Variants in UNC5C observed in about 807,000 individuals in gnomAD.
UNC5C encodes the protein unc-5 netrin receptor C.
In UNC5C, 47 loss-of-function variants were observed where a neutral mutation model predicts 99.8. The observed-to-expected ratio is 0.47, with a 90% CI of 0.37 to 0.60. UNC5C has a LOEUF of 0.60. Among genes scored for constraint, UNC5C ranks in the 20% least tolerant of loss-of-function variants. The probability of loss-of-function intolerance (pLI) is 0.00; values close to 1 mark genes in which losing one functional copy is unlikely to be tolerated. For synonymous variants in UNC5C, 487 were observed against 452.2 expected (o/e 1.08, Z -0.98); for missense variants, 1,062 against 1,165.9 (o/e 0.91, Z 1.30).
chr4:95,349,251 AC>A (rs765331844), intron 1 of UNC5C, among the ~76,000 whole-genome samples: 35 of 150,284 alleles, frequency 2.3e-4, no homozygotes, highest in Non-Finnish European at 4.7e-4. Context: ...AACTGTATAC[AC>A]CTACTCTGAA....
chr4:95,232,549 C>A (rs1368474108), intron 7 of UNC5C, among the ~76,000 whole-genome samples: 1 of 152,072 alleles, frequency 6.6e-6, no homozygotes. Context: ...CTCGAAGGAG[C>A]CCATGCTTTG....
intron 1 of UNC5C, among the ~76,000 whole-genome samples, chr4:95,396,610 C>T (rs1210523284): frequency 6.6e-6 from 1 of 152,100 alleles, no homozygotes; most frequent in Non-Finnish European, 1.5e-5. Flanking sequence ...GGAGTGAAAA[C>T]TTCTATCCCT....
In UNC5C at chr4:95,399,935, T is replaced by C. The variant is rs1194172780; in HGVS notation, c.125-64304A>G. Among the ~76,000 whole-genome samples the C allele has an allele frequency of 3.9e-5, 6 of 152,318 alleles. No individual in the cohort carries two copies. The East Asian group carries it at 1.2e-3, about 29-fold the overall frequency. ...ATGCTTTACAGCTATAGGGACTGCA[T>C]CTCCACTGTTTACCCCTAATTGAGC... On this transcript the variant is annotated intron_variant, in intron 1 of 15. Transcript: ENST00000453304.
chr4:95,442,486 G>A (rs1158139619), intron 1 of UNC5C, among the ~76,000 whole-genome samples: 1 of 149,104 alleles, frequency 6.7e-6, no homozygotes. Context: ...GGGATTACAT[G>A]TGTGACCCAT....
At chr4:95,360,755 T>C (rs955264758) in intron 1 of UNC5C, among the ~76,000 whole-genome samples, 7 of 152,186 alleles carry the variant, frequency 4.6e-5, no homozygotes, top group African/African-American at 1.7e-4. Flanking sequence ...TGGATTTCTT[T>C]GAACGGTATC....
intron 14 of UNC5C, among the ~76,000 whole-genome samples, chr4:95,176,727 C>T (rs1222002091): frequency 6.6e-6 from 1 of 152,242 alleles, no homozygotes; most frequent in Non-Finnish European, 1.5e-5. Context: ...GAGGTGGAGC[C>T]TGCAGAGGCA....
rs1242481861 is a variant in UNC5C at position 95,268,776 on chromosome 4, C to T, written c.594+9483G>A. ...AGCAAGCATTAGCTAGAAAACTCCA[C>T]GTCTATCAGAAAGGTTACTCTGTTA... is the stretch of plus-strand genomic sequence containing the variant. On this transcript the variant is annotated intron_variant, in intron 4 of 15. Coordinates refer to ENST00000453304, the MANE Select transcript of UNC5C (RefSeq NM_003728.4). Among the ~76,000 whole-genome samples, 8 of 152,268 alleles carry T rather than the reference C, an allele frequency of 5.3e-5. No homozygotes were observed. In the South Asian group the frequency reaches 1.7e-3, roughly 32 times the overall value.
rs756927858 is a variant in UNC5C at position 95,164,554 on chromosome 4, A to G, written c.*4680T>C. On this transcript the variant is annotated 3_prime_UTR_variant, in exon 16 of 16. Coordinates refer to ENST00000453304, the MANE Select transcript of UNC5C (RefSeq NM_003728.4). ...AAGCCAAAGAGTAATAGTTGGTCCT[A>G]TGAGGCACTCGAGAGGTAAAAAAAT... 1.8e-4 allele frequency: 27 copies of G among 152,258 alleles called. No homozygotes were observed. The highest frequency in any genetic ancestry group is 2.6e-4 in the Admixed American group (4 of 15,288). The allele number at this position is 152,258 out of a possible 1,614,324, so 9.4% of individuals were successfully genotyped here.
intron 14 of UNC5C, among the ~76,000 whole-genome samples, 193 bp from the exon 15 acceptor site, chr4:95,170,525 G>A (rs1736054166): frequency 1.3e-5 from 2 of 152,182 alleles, no homozygotes; most frequent in African/African-American, 4.8e-5. Context: ...AGAGATAGAG[G>A]TACATACATT....
intron 1 of UNC5C, among the ~76,000 whole-genome samples, chr4:95,494,314 G>T (rs1197472802): frequency 1.3e-5 from 2 of 151,478 alleles, no homozygotes; most frequent in African/African-American, 4.8e-5. Flanking sequence ...GATATGTAAA[G>T]ATATTCAACT....
chr4:95,310,898 GAC>G (rs1742252633), intron 2 of UNC5C, among the ~76,000 whole-genome samples: 1 of 152,046 alleles, frequency 6.6e-6, no homozygotes, highest in African/African-American at 2.4e-5. Context: ...TTAATTATAA[GAC>G]AATATTACAT....
intron 1 of UNC5C, among the ~76,000 whole-genome samples, chr4:95,356,978 C>T (rs2149432670): frequency 6.6e-6 from 1 of 152,190 alleles, no homozygotes. Context: ...ACCTTCCAGG[C>T]CAGTATCAAA....
chr4:95,356,213 CAAAACAAAA>C (rs1235381547), intron 1 of UNC5C, among the ~76,000 whole-genome samples: 50 of 78,176 alleles, frequency 6.4e-4, no homozygotes, highest in Non-Finnish European at 1.0e-3. Flanking sequence ...AAAAAAAAAA[CAAAACAAAA>C]AAAAAACAGA....
At chr4:95,319,200 A>C (rs1742588697) in intron 2 of UNC5C, among the ~76,000 whole-genome samples, 1 of 152,192 alleles carries the variant, frequency 6.6e-6, no homozygotes, top group Non-Finnish European at 1.5e-5. Flanking sequence ...AGCTTAAAAC[A>C]AACACAGAGG....
chr4:95,421,172 A>G (rs192375972), intron 1 of UNC5C, among the ~76,000 whole-genome samples: 158 of 152,334 alleles, frequency 1.0e-3, no homozygotes, highest in Non-Finnish European at 1.5e-3. Flanking sequence ...AAAATTTTAC[A>G]TCAGAATCAC....
At chr4:95,327,185 C>T (rs1392593410) in intron 2 of UNC5C, among the ~76,000 whole-genome samples, 1 of 152,080 alleles carries the variant, frequency 6.6e-6, no homozygotes, top group African/African-American at 2.4e-5. Flanking sequence ...GGGAAAACCC[C>T]CCAACCTCCA....
At chr4:95,508,494 T>C (rs1721983820) in intron 1 of UNC5C, among the ~76,000 whole-genome samples, 1 of 152,002 alleles carries the variant, frequency 6.6e-6, no homozygotes, top group Non-Finnish European at 1.5e-5. Flanking sequence ...CAATAAACAG[T>C]ATTTGTCAAT....
rs1553965986 is a variant in UNC5C at position 95,354,468 on chromosome 4, C to CAT, written c.125-18839_125-18838dup. On this transcript the variant is annotated intron_variant, in intron 1 of 15. Coordinates refer to ENST00000453304, the MANE Select transcript of UNC5C (RefSeq NM_003728.4). ...TCTATCGTATTTTACCTAACTCTTC[C>CAT]ATATATATATATTTTTTTTTTTTTT... Among the ~76,000 whole-genome samples, 33 of 98,210 alleles carry CAT rather than the reference C, an allele frequency of 3.4e-4. 1 individual carries two copies. Among genetic ancestry groups the CAT allele is most frequent in the Non-Finnish European group, 3.5e-4 (19 of 53,790 alleles). The allele number at this position is 98,210 out of a possible 152,430, so 64.4% of individuals were successfully genotyped here. A position where few individuals can be genotyped will look rare whatever the true frequency, so the allele number is the denominator to read the frequency against.
chr4:95,484,319 C>A (rs1721264132), intron 1 of UNC5C, among the ~76,000 whole-genome samples: 2 of 151,826 alleles, frequency 1.3e-5, no homozygotes, highest in Admixed American at 1.3e-4. Flanking sequence ...TTGGCTGCCC[C>A]ATTGAGACTT....
Sources: gnomAD v4.1 joint callset for allele counts (sites outside exome capture counted in the v4.1 genomes callset) on GRCh38, gnomAD v4.1.1 for gene constraint, MANE v1.5 for transcripts, NCBI Gene and HGNC (gene_info 2026-07-23, HGNC 2026-07-21) for gene names.